MACROD2: variants seen among roughly 807,000 people sequenced by gnomAD.
MACROD2 encodes the protein ADP-ribose glycohydrolase MACROD2.
MACROD2 carries 36 observed loss-of-function variants against 70.4 expected under a neutral mutation model. The ratio of observed to expected loss-of-function variants is 0.51; its 90% CI spans 0.39 to 0.68. MACROD2 has a LOEUF of 0.68. MACROD2 is among the 30% of genes least tolerant of loss of function. MACROD2 has a pLI of 0.00. For synonymous variants in MACROD2, 172 were observed against 178.8 expected (o/e 0.96, Z 0.30); for missense variants, 496 against 538.4 (o/e 0.92, Z 0.78).
intron 7 of MACROD2, among the ~76,000 whole-genome samples, chr20:15,479,335 G>C (rs1373775124): frequency 1.0e-4 from 15 of 146,652 alleles, no homozygotes; most frequent in East Asian, 2.0e-4. Flanking sequence ...TGCAGTGGCG[G>C]GATCTCGGCT....
intron 3 of MACROD2, among the ~76,000 whole-genome samples, chr20:14,454,838 C>T (rs1157922737): frequency 4.6e-5 from 7 of 150,556 alleles, no homozygotes; most frequent in South Asian, 2.1e-4. Context: ...CTGCAAGCTC[C>T]GCCTCCCGGG....
intron 5 of MACROD2, among the ~76,000 whole-genome samples, chr20:15,036,951 A>C (rs923384389): frequency 4.6e-5 from 7 of 151,694 alleles, no homozygotes; most frequent in Non-Finnish European, 1.0e-4. Context: ...ATAATAGATA[A>C]TTATAAAATA....
At chr20:15,314,642 A>G (rs1600231583) in intron 6 of MACROD2, among the ~76,000 whole-genome samples, 1 of 152,104 alleles carries the variant, frequency 6.6e-6, no homozygotes, top group East Asian at 1.9e-4. Flanking sequence ...GTTTGTCTTT[A>G]TTTTGCCTAA....
At chr20:14,175,254 G>A (rs187618462) in intron 3 of MACROD2, among the ~76,000 whole-genome samples, 5 of 152,194 alleles carry the variant, frequency 3.3e-5, no homozygotes, top group African/African-American at 7.2e-5. Flanking sequence ...TACTGCTCTT[G>A]TTTATGTTTC....
chr20:14,635,290 TTCAC>T (rs1984728803), intron 4 of MACROD2, among the ~76,000 whole-genome samples: 1 of 152,158 alleles, frequency 6.6e-6, no homozygotes, highest in African/African-American at 2.4e-5. Context: ...TCCCAATGCT[TTCAC>T]TCATCTTGTC....
chr20:15,998,005 A>T (rs1371041159), intron 15 of MACROD2, among the ~76,000 whole-genome samples: 1 of 152,170 alleles, frequency 6.6e-6, no homozygotes, highest in Non-Finnish European at 1.5e-5. Context: ...AGATTTATTG[A>T]TTTCCATATG....
chr20:15,753,334 T>G (rs1370358512), intron 8 of MACROD2, among the ~76,000 whole-genome samples: 1 of 152,162 alleles, frequency 6.6e-6, no homozygotes, highest in African/African-American at 2.4e-5. Context: ...GTACCCAATA[T>G]TTAGCTCTCA....
chr20:15,922,149 C>T (rs1175635533), intron 10 of MACROD2, among the ~76,000 whole-genome samples: 4 of 152,194 alleles, frequency 2.6e-5, no homozygotes, highest in African/African-American at 2.4e-5. Context: ...GTGCCAGGGA[C>T]GATGGCCAGG....
chr20:15,295,538 C>A (rs1399614322), intron 6 of MACROD2, among the ~76,000 whole-genome samples: 1 of 150,764 alleles, frequency 6.6e-6, no homozygotes, highest in East Asian at 1.9e-4. Context: ...TGATAGAATG[C>A]CATTTTGCAA....
intron 8 of MACROD2, among the ~76,000 whole-genome samples, chr20:15,818,045 G>A (rs2063896699): frequency 6.6e-6 from 1 of 152,088 alleles, no homozygotes; most frequent in East Asian, 1.9e-4. Flanking sequence ...CATTGTTCAG[G>A]ACTCAGCTTA....
At chr20:15,086,396 AAGT>A (rs1393762001) in intron 5 of MACROD2, among the ~76,000 whole-genome samples, 4 of 152,158 alleles carry the variant, frequency 2.6e-5, no homozygotes, top group African/African-American at 9.6e-5. Flanking sequence ...ATTATGAACT[AAGT>A]AGGGAAGAAG....
intron 12 of MACROD2, among the ~76,000 whole-genome samples, chr20:15,941,403 T>A (rs900363420): frequency 6.6e-6 from 1 of 152,174 alleles, no homozygotes; most frequent in Non-Finnish European, 1.5e-5. Context: ...CCACTGTTTT[T>A]AATTGATTAT....
chr20:15,262,450 G>A (rs1289973211), intron 6 of MACROD2, among the ~76,000 whole-genome samples: 1 of 152,030 alleles, frequency 6.6e-6, no homozygotes, highest in African/African-American at 2.4e-5. Flanking sequence ...TTCACCTGTT[G>A]ATGGACACTT....
At chr20:14,405,269 G>A (rs6033957) in intron 3 of MACROD2, among the ~76,000 whole-genome samples, 2,715 of 119,230 alleles carry the variant, frequency 0.023, 90 homozygotes, top group African/African-American at 0.079. Flanking sequence ...TACAGAGGTG[G>A]TTATTTAGTA....
At chr20:14,017,431 C>T (rs1311738952) in intron 2 of MACROD2, among the ~76,000 whole-genome samples, 7 of 152,082 alleles carry the variant, frequency 4.6e-5, no homozygotes, top group African/African-American at 1.7e-4. Context: ...CAGTCTTTCA[C>T]CACTGAGTAT....
At chr20:14,215,318 ATATC>A (rs1194497916) in intron 3 of MACROD2, among the ~76,000 whole-genome samples, 5 of 146,320 alleles carry the variant, frequency 3.4e-5, no homozygotes, top group Non-Finnish European at 6.0e-5. Flanking sequence ...TCCATCATAT[ATATC>A]TATGCCATCA....
intron 15 of MACROD2, 113 bp from the exon 16 acceptor site, chr20:16,041,088 A>G: frequency 1.2e-6 from 1 of 861,484 alleles, no homozygotes; most frequent in South Asian, 1.6e-5. Flanking sequence ...AAGAAGTTGA[A>G]TCCCAGGAGT....
At chr20:14,554,633 G>A (rs1170042028) in intron 4 of MACROD2, among the ~76,000 whole-genome samples, 1 of 152,098 alleles carries the variant, frequency 6.6e-6, no homozygotes, top group African/African-American at 2.4e-5. Context: ...GGAAAAGGGA[G>A]GGATGAGTGT....
intron 5 of MACROD2, among the ~76,000 whole-genome samples, chr20:14,789,731 C>T (rs1416617954): frequency 6.6e-6 from 1 of 151,762 alleles, no homozygotes; most frequent in Non-Finnish European, 1.5e-5. Context: ...CTGAGTTGGC[C>T]TCCCAAAGTG....
Sources: gnomAD v4.1 joint callset for allele counts (sites outside exome capture counted in the v4.1 genomes callset) on GRCh38, gnomAD v4.1.1 for gene constraint, MANE v1.5 for transcripts, NCBI Gene and HGNC (gene_info 2026-07-23, HGNC 2026-07-21) for gene names.